Variants in AUTS2 observed in about 807,000 individuals in gnomAD.
AUTS2 encodes the protein activator of transcription and developmental regulator AUTS2.
In AUTS2, 17 loss-of-function variants were observed where a neutral mutation model predicts 112.4. The ratio of observed to expected loss-of-function variants is 0.15; its 90% CI spans 0.10 to 0.23. The LOEUF is 0.23. Among genes scored for constraint, AUTS2 ranks in the 10% least tolerant of loss-of-function variants. The probability of loss-of-function intolerance (pLI) is 1.00; values close to 1 mark genes in which losing one functional copy is unlikely to be tolerated. For synonymous variants in AUTS2, 751 were observed against 702.7 expected (o/e 1.07, Z -1.09); for missense variants, 1,510 against 1,701.6 (o/e 0.89, Z 1.98).
At chr7:70,525,810 G>A (rs1158265209) in intron 5 of AUTS2, among the ~76,000 whole-genome samples, 3 of 152,230 alleles carry the variant, frequency 2.0e-5, no homozygotes, top group Admixed American at 6.5e-5. Context: ...GTGGCCTGGA[G>A]GAGGGCACTC....
chr7:70,267,471 T>G (rs1048411313), intron 4 of AUTS2, among the ~76,000 whole-genome samples: 1 of 152,160 alleles, frequency 6.6e-6, no homozygotes, highest in African/African-American at 2.4e-5. Flanking sequence ...TGACTCTTGT[T>G]GTAGATTCAC....
chr7:70,108,783 C>CAAAAAAAAA lies in AUTS2; in HGVS notation c.523-9326_523-9318dup, dbSNP rs528009205. Among the ~76,000 whole-genome samples, 57 of 69,160 alleles carry CAAAAAAAAA rather than the reference C, an allele frequency of 8.2e-4. 2 individuals are homozygous for CAAAAAAAAA. Among genetic ancestry groups the CAAAAAAAAA allele is most frequent in the African/African-American group, 1.9e-3 (35 of 18,532 alleles). 45.4% of individuals were successfully genotyped at this position (69,160 alleles called of 152,430 possible). A position where few individuals can be genotyped will look rare whatever the true frequency, so the allele number is the denominator to read the frequency against. ...TTCCAGACCAGCCTGGCCAACATGG[C>CAAAAAAAAA]AAAAAAAAAAAAAAAAAAAAAAAAA... On this transcript the variant is annotated intron_variant, in intron 2 of 18. Transcript: ENST00000342771.
chr7:70,535,819 G>C (rs1466044183), intron 5 of AUTS2, among the ~76,000 whole-genome samples: 2 of 152,182 alleles, frequency 1.3e-5, no homozygotes, highest in African/African-American at 4.8e-5. Context: ...TCCACCAAAA[G>C]ACATGCAGAG....
At chr7:69,847,748 C>G (rs996182450) in intron 1 of AUTS2, among the ~76,000 whole-genome samples, 3 of 152,036 alleles carry the variant, frequency 2.0e-5, no homozygotes, top group African/African-American at 7.3e-5. Flanking sequence ...AACGTGAGAG[C>G]GAGGAGGGAG....
At chr7:69,646,996 G>T (rs928112529) in intron 1 of AUTS2, among the ~76,000 whole-genome samples, 4 of 152,206 alleles carry the variant, frequency 2.6e-5, no homozygotes, top group African/African-American at 9.6e-5. Flanking sequence ...GCTGAGGCAG[G>T]AGAATGGCGT....
At chr7:69,927,448 A>T (rs548359924) in intron 2 of AUTS2, among the ~76,000 whole-genome samples, 25 of 152,280 alleles carry the variant, frequency 1.6e-4, no homozygotes, top group African/African-American at 6.0e-4. Context: ...AATTAAAAAA[A>T]AAATCTTGTA....
At chr7:70,654,359 T>C (rs1563104721) in intron 5 of AUTS2, among the ~76,000 whole-genome samples, 1 of 152,230 alleles carries the variant, frequency 6.6e-6, no homozygotes, top group Non-Finnish European at 1.5e-5. Flanking sequence ...AAAAAAGCTA[T>C]TGTAATACAT....
intron 10 of AUTS2, chr7:70,771,125 A>C (rs1267238665): frequency 2.0e-5 from 3 of 153,212 alleles, no homozygotes; most frequent in East Asian, 3.8e-4. Flanking sequence ...ACTCATGAAG[A>C]CTTCTTTTTC....
At chr7:70,146,165 C>T (rs533002791) in intron 4 of AUTS2, among the ~76,000 whole-genome samples, 103 of 152,200 alleles carry the variant, frequency 6.8e-4, no homozygotes, top group Non-Finnish European at 1.1e-3. Context: ...TTCCCTAATT[C>T]TCTCATCTTA....
chr7:70,596,533 A>C (rs1803221362), intron 5 of AUTS2: 2 of 152,180 alleles, frequency 1.3e-5, no homozygotes, highest in Non-Finnish European at 2.9e-5. Flanking sequence ...GTGGACGTAC[A>C]CCTCAAGACC....
chr7:70,254,950 A>T (rs1012391222), intron 4 of AUTS2, among the ~76,000 whole-genome samples: 2 of 152,142 alleles, frequency 1.3e-5, no homozygotes, highest in African/African-American at 4.8e-5. Context: ...TAACATAACA[A>T]TCCTCATCAT....
At chr7:70,775,955 T>A (rs1411414269) in intron 13 of AUTS2, among the ~76,000 whole-genome samples, 1 of 152,186 alleles carries the variant, frequency 6.6e-6, no homozygotes, top group Non-Finnish European at 1.5e-5. Flanking sequence ...ACATGATGAA[T>A]TGTTGGACAG....
At chr7:70,022,870 T>A (rs955516738) in intron 2 of AUTS2, among the ~76,000 whole-genome samples, 12 of 151,908 alleles carry the variant, frequency 7.9e-5, no homozygotes, top group South Asian at 2.1e-4. Context: ...TTTTTTTTTT[T>A]AAATAAGGTC....
At chr7:69,926,516 T>G (rs1796021876) in intron 2 of AUTS2, among the ~76,000 whole-genome samples, 1 of 151,974 alleles carries the variant, frequency 6.6e-6, no homozygotes, top group South Asian at 2.1e-4. Context: ...CCTACCTATA[T>G]CTGTCAGTCA....
intron 4 of AUTS2, among the ~76,000 whole-genome samples, chr7:70,153,732 C>T (rs1024418071): frequency 2.6e-5 from 4 of 152,180 alleles, no homozygotes; most frequent in Admixed American, 6.5e-5. Flanking sequence ...GCTCAGACAG[C>T]TACACACAAA....
chr7:70,652,217 A>G (rs959593691), intron 5 of AUTS2, among the ~76,000 whole-genome samples: 1 of 152,210 alleles, frequency 6.6e-6, no homozygotes, highest in African/African-American at 2.4e-5. Flanking sequence ...TTTGAGATGA[A>G]TACTGAGAAG....
At chr7:70,313,926 GAATT>G (rs1346450629) in intron 4 of AUTS2, among the ~76,000 whole-genome samples, 1 of 152,200 alleles carries the variant, frequency 6.6e-6, no homozygotes, top group African/African-American at 2.4e-5. Flanking sequence ...AACTCCCACA[GAATT>G]AATTAGCCGC....
At chr7:70,660,678 C>T (rs776115472) in intron 5 of AUTS2, among the ~76,000 whole-genome samples, 18 of 152,310 alleles carry the variant, frequency 1.2e-4, no homozygotes, top group Admixed American at 3.3e-4. Flanking sequence ...ACATTATGTG[C>T]ATCCTGTCGT....
chr7:70,490,654 G>C (rs2116402022), intron 5 of AUTS2, among the ~76,000 whole-genome samples: 1 of 152,198 alleles, frequency 6.6e-6, no homozygotes, highest in African/African-American at 2.4e-5. Flanking sequence ...TGGCTTTCAG[G>C]GCACCTGGAC....
Sources: allele counts gnomAD v4.1 joint callset (sites outside exome capture counted in the v4.1 genomes callset), GRCh38; gene constraint gnomAD v4.1.1; transcripts MANE v1.5; gene names NCBI Gene and HGNC (gene_info 2026-07-23, HGNC 2026-07-21).